The following BPNT2 variants were observed in gnomAD, a reference collection of about 807,000 sequenced individuals.
BPNT2 encodes 3'(2'), 5'-bisphosphate nucleotidase 2.
In BPNT2, 11 loss-of-function variants were observed where a neutral mutation model predicts 29.3. That is an observed-to-expected ratio of 0.38 (90% CI 0.24 to 0.62). The LOEUF (loss-of-function observed/expected upper bound fraction) is 0.62. Among genes scored for constraint, BPNT2 ranks in the 20% least tolerant of loss-of-function variants. The pLI is 0.62. For synonymous variants in BPNT2, 195 were observed against 187.7 expected, an observed-to-expected ratio of 1.04 and a Z score of -0.32; for missense variants, 459 against 473.4, an observed-to-expected ratio of 0.97 and a Z score of 0.28.
In BPNT2 at chr8:56,980,217, C is replaced by T; in HGVS notation, c.388-20G>A. ...ATTAATCTGCATTAAAAACAGGTGA[C>T]AGTTAAAAAAAGTAAGACGAACAAT... On this transcript the variant is annotated intron_variant, in intron 1 of 4. Coordinates refer to ENST00000262644, the MANE Select transcript of BPNT2 (RefSeq NM_017813.5). 6.2e-7 allele frequency: 1 copy of T among 1,607,584 alleles called. No individual in the cohort carries two copies. The highest frequency in any genetic ancestry group is 1.1e-5 in the South Asian group (1 of 90,922).
At chr8:56,975,101 G>T (rs1164001929) in intron 3 of BPNT2, among the ~76,000 whole-genome samples, 1 of 152,116 alleles carries the variant, frequency 6.6e-6, no homozygotes, top group Admixed American at 6.5e-5. Flanking sequence ...CTCATACAAA[G>T]AATATCTAGG....
intron 3 of BPNT2, among the ~76,000 whole-genome samples, chr8:56,972,591 T>C (rs1274397534): frequency 6.6e-6 from 1 of 152,086 alleles, no homozygotes; most frequent in Non-Finnish European, 1.5e-5. Context: ...GACTGTAGTA[T>C]GATTCAAGAA....
chr8:56,984,308 C>T (rs1323377605), intron 1 of BPNT2, among the ~76,000 whole-genome samples: 2 of 152,208 alleles, frequency 1.3e-5, no homozygotes, highest in Non-Finnish European at 2.9e-5. Flanking sequence ...TTTTGAGTAA[C>T]TGCTATTTAT....
chr8:56,985,751 T>A (rs1343685919), intron 1 of BPNT2, among the ~76,000 whole-genome samples: 1 of 152,210 alleles, frequency 6.6e-6, no homozygotes, highest in Admixed American at 6.5e-5. Flanking sequence ...GCATTTCTAG[T>A]ACTCACAATG....
rs1385065494 is a variant in BPNT2 at position 56,963,554 on chromosome 8, T to G, written c.*239A>C. ...CACAAATATATATATGCGCCTTGTG[T>G]ATGACAACTGTATGAAAATAGTCTC... On this transcript the variant is annotated 3_prime_UTR_variant, in exon 5 of 5. Transcript: ENST00000262644. 1.7e-5 allele frequency: 9 copies of G among 524,494 alleles called. No homozygotes were observed. In the East Asian group the frequency reaches 2.3e-4, roughly 13 times the overall value. 32.5% of individuals were successfully genotyped at this position (524,494 alleles called of 1,614,324 possible). A position where few individuals can be genotyped will look rare whatever the true frequency, so the allele number is the denominator to read the frequency against.
chr8:56,974,754 T>C (rs1007603322), intron 3 of BPNT2, among the ~76,000 whole-genome samples: 5 of 152,228 alleles, frequency 3.3e-5, no homozygotes, highest in Admixed American at 2.0e-4. Flanking sequence ...AAGACATTTT[T>C]AGAAACCACT....
rs1292500193 is a variant in BPNT2 at position 56,958,105 on chromosome 8, G to C, written c.*5688C>G. The C allele has an allele frequency of 6.6e-6, 1 of 152,036 alleles. No individual in the cohort carries two copies. Among genetic ancestry groups the C allele is most frequent in the Non-Finnish European group, 1.5e-5 (1 of 68,020 alleles). The allele number at this position is 152,036 out of a possible 1,614,324, so 9.4% of individuals were successfully genotyped here. Reference sequence around the variant, plus strand: ...ACTTTTAAAAACAATTTAGTATGTGGGGGGGTGATAATCATAAATATTTGC... The same window carrying C: ...ACTTTTAAAAACAATTTAGTATGTGCGGGGGTGATAATCATAAATATTTGC... On this transcript the variant is annotated 3_prime_UTR_variant, in exon 5 of 5. Coordinates refer to ENST00000262644, the MANE Select transcript of BPNT2 (RefSeq NM_017813.5).
In BPNT2 at chr8:56,993,210, G is replaced by A; in HGVS notation, c.376C>T (p.Pro126Ser). 6.2e-7 allele frequency: 1 copy of A among 1,600,894 alleles called. No homozygotes were observed. The highest frequency in any genetic ancestry group is 8.5e-7 in the Non-Finnish European group (1 of 1,179,244). ...KMFYLLKTAFPSVQINTEEHV... is the reference protein window; with the variant it reads ...KMFYLLKTAFSSVQINTEEHV... The stretch of plus-strand genomic sequence containing the variant: ...CCGTGGGCTCCCACCTGGACGCTGG[G>A]GAAGGCGGTCTTGAGCAGGTAGAAC... The change falls in exon 1 of 5, where the codon CCC (proline) becomes TCC (serine). Residue 126 changes from proline to serine, a missense_variant. Coordinates refer to ENST00000262644, the MANE Select transcript of BPNT2 (RefSeq NM_017813.5).
At chr8:56,989,820 T>C (rs995482254) in intron 1 of BPNT2, among the ~76,000 whole-genome samples, 3 of 152,218 alleles carry the variant, frequency 2.0e-5, no homozygotes, top group Admixed American at 1.3e-4. Flanking sequence ...TTCCAATCTC[T>C]TCCACAATAA....
intron 3 of BPNT2, 64 bp downstream of exon 3, chr8:56,977,986 A>G (rs1206304345): frequency 3.9e-6 from 4 of 1,028,550 alleles, no homozygotes; most frequent in Non-Finnish European, 6.2e-6. Flanking sequence ...GGTACATGAC[A>G]GTAAATACTA....
At position 56,963,674 on chromosome 8, in the gene BPNT2, A is replaced by T; in HGVS notation, c.*119T>A. On this transcript the variant is annotated 3_prime_UTR_variant, in exon 5 of 5. Transcript: ENST00000262644. ...AATAAGTCTCTGATGCTTCATAAAT[A>T]CTTTAAAAAGTTCGGGATGGCCTTA... is the stretch of plus-strand genomic sequence containing the variant. 8.9e-7 allele frequency: 1 copy of T among 1,123,126 alleles called. No homozygotes were observed. Among genetic ancestry groups the T allele is most frequent in the Non-Finnish European group, 1.3e-6 (1 of 752,794 alleles). The allele number at this position is 1,123,126 out of a possible 1,614,324, so 69.6% of individuals were successfully genotyped here.
At chr8:56,971,408 A>C (rs372971865) in intron 3 of BPNT2, among the ~76,000 whole-genome samples, 1 of 152,158 alleles carries the variant, frequency 6.6e-6, no homozygotes, top group Non-Finnish European at 1.5e-5. Context: ...CCCTTGAACA[A>C]CACAGGTTTG....
In BPNT2 at chr8:56,963,937, C is replaced by G. The variant is rs780287418; in HGVS notation, c.936G>C (p.Gly312=). ...CACCACTCAGGGTAGTCATATGCCC[C>G]CCTAGGGCTTTTAAGATGGCATTAC... The part of the protein sequence containing the change: ...CAGNAILKAL[G]GHMTTLSGEE... Residue 312 remains glycine, a synonymous_variant, in exon 5 of 5, where the codon GGG becomes GGC. Coordinates refer to ENST00000262644, the MANE Select transcript of BPNT2 (RefSeq NM_017813.5). 6.2e-7 allele frequency: 1 copy of G among 1,614,046 alleles called. No homozygotes were observed. Among genetic ancestry groups the G allele is most frequent in the Non-Finnish European group, 8.5e-7 (1 of 1,179,994 alleles).
intron 3 of BPNT2, among the ~76,000 whole-genome samples, chr8:56,968,101 T>C (rs904076287): frequency 1.3e-5 from 2 of 152,022 alleles, no homozygotes. Context: ...TATTCTAACA[T>C]GATTAAAAAT....
Position 56,980,155 on chromosome 8 carries a change from T to TA in BPNT2, c.429dup (p.Ile144TyrfsTer6), listed in dbSNP as rs1238535073. ...TCAGGAATCTTATGATCCCACAAGA[T>TA]AACCTCCTGATCAGCTGCATCCACG... On this transcript the variant is annotated frameshift_variant, in exon 2 of 5. Transcript: ENST00000262644. LOFTEE classifies it high-confidence loss of function. 2 of 1,613,810 alleles carry TA rather than the reference T, an allele frequency of 1.2e-6. No individual in the cohort carries two copies. Among genetic ancestry groups the TA allele is most frequent in the African/African-American group, 2.7e-5 (2 of 75,038 alleles).
intron 1 of BPNT2, among the ~76,000 whole-genome samples, chr8:56,986,651 C>T (rs1585567696): frequency 6.6e-6 from 1 of 152,204 alleles, no homozygotes; most frequent in Admixed American, 6.5e-5. Context: ...CCAAACATCA[C>T]AGCATAGCCT....
intron 3 of BPNT2, among the ~76,000 whole-genome samples, chr8:56,971,157 T>G (rs147938227): frequency 6.6e-6 from 1 of 152,000 alleles, no homozygotes; most frequent in East Asian, 1.9e-4. Context: ...TTATTTCAAG[T>G]GTCTAGTACA....
At chr8:56,990,799 C>T (rs1806405024) in intron 1 of BPNT2, among the ~76,000 whole-genome samples, 1 of 151,976 alleles carries the variant, frequency 6.6e-6, no homozygotes, top group Non-Finnish European at 1.5e-5. Context: ...CTAGGATAAC[C>T]CCTGGTATAT....
chr8:56,983,023 C>T (rs889881674), intron 1 of BPNT2, among the ~76,000 whole-genome samples: 5 of 151,946 alleles, frequency 3.3e-5, no homozygotes, highest in Non-Finnish European at 7.4e-5. Flanking sequence ...GTAAAATGTC[C>T]GGAAAGGCAA....
Sources: gnomAD v4.1 joint callset for allele counts (sites outside exome capture counted in the v4.1 genomes callset) on GRCh38, gnomAD v4.1.1 for gene constraint, MANE v1.5 for transcripts, NCBI Gene and HGNC (gene_info 2026-07-23, HGNC 2026-07-21) for gene names.